Variants in ALDH4A1 observed in about 807,000 individuals in gnomAD.
ALDH4A1 encodes the protein delta-1-pyrroline-5-carboxylate dehydrogenase, mitochondrial.
In ALDH4A1, 46 loss-of-function variants were observed where a neutral mutation model predicts 70.5. The observed-to-expected ratio is 0.65, with a 90% confidence interval of 0.51 to 0.83. The LOEUF (loss-of-function observed/expected upper bound fraction) is 0.83. ALDH4A1 is among the 40% of genes least tolerant of loss of function. The probability of loss-of-function intolerance (pLI) is 0.00; values close to 1 mark genes in which losing one functional copy is unlikely to be tolerated. For synonymous variants in ALDH4A1, 323 were observed against 324.3 expected (o/e 1.00, Z 0.04); for missense variants, 749 against 766.5 (o/e 0.98, Z 0.27).
chr1:18,877,642 A>G (rs374282940), intron 9 of ALDH4A1, 30 bp from the exon 10 acceptor site: 53 of 1,429,268 alleles, frequency 3.7e-5, no homozygotes, highest in Non-Finnish European at 5.2e-5. Flanking sequence ...GGAAATGACC[A>G]GAGGAGCTGG....
intron 1 of ALDH4A1, among the ~76,000 whole-genome samples, chr1:18,892,356 G>C (rs1415851814): frequency 6.6e-6 from 1 of 152,198 alleles, no homozygotes; most frequent in Non-Finnish European, 1.5e-5. Context: ...GAGGCCCCTG[G>C]CTGCACACAG....
chr1:18,897,067 C>T (rs770980738), intron 1 of ALDH4A1: 4 of 534,310 alleles, frequency 7.5e-6, no homozygotes, highest in Non-Finnish European at 1.5e-5. Flanking sequence ...GAACGCATGA[C>T]AAGTTGAGCA....
At chr1:18,894,386 C>CA (rs1051723723) in intron 1 of ALDH4A1, among the ~76,000 whole-genome samples, 2 of 152,084 alleles carry the variant, frequency 1.3e-5, no homozygotes, top group African/African-American at 4.8e-5. Context: ...ACTAAAACTA[C>CA]AAAAAAATTA....
At chr1:18,894,945 G>A in intron 1 of ALDH4A1, among the ~76,000 whole-genome samples, 1 of 149,386 alleles carries the variant, frequency 6.7e-6, no homozygotes, top group East Asian at 2.0e-4. Context: ...TCGGGTGAAG[G>A]CAGAGATGAA....
In ALDH4A1 at chr1:18,876,303, C is replaced by T. The variant is rs778665974; in HGVS notation, c.1338+12G>A. 6.2e-6 allele frequency: 10 copies of T among 1,613,264 alleles called. No individual in the cohort carries two copies. The highest frequency in any genetic ancestry group is 7.6e-6 in the Non-Finnish European group (9 of 1,179,926). On this transcript the variant is annotated intron_variant, in intron 12 of 14. Coordinates refer to ENST00000375341, the MANE Select transcript of ALDH4A1 (RefSeq NM_003748.4). ...GTCCTCCTCTGGACCCCAGGCTGCC[C>T]ACCCCAGTCACCTCCTTCATGATGG...
chr1:18,885,447 C>T, intron 5 of ALDH4A1, 26 bp downstream of exon 5: 4 of 1,178,960 alleles, frequency 3.4e-6, no homozygotes, highest in Non-Finnish European at 4.8e-6. Context: ...CCCCGCCCCA[C>T]CCACCCGGGC....
chr1:18,885,179 G>A, intron 5 of ALDH4A1: 2 of 471,650 alleles, frequency 4.2e-6, no homozygotes, highest in Non-Finnish European at 7.8e-6. Context: ...GGGAGACAGT[G>A]CAGGCCACCA....
intron 12 of ALDH4A1, 39 bp from the exon 13 acceptor site, chr1:18,875,542 C>G (rs773092560): frequency 1.5e-5 from 24 of 1,613,366 alleles, no homozygotes; most frequent in Non-Finnish European, 1.9e-5. Flanking sequence ...TCCACGGGAC[C>G]AGGGACCAGG....
At position 18,881,738 on chromosome 1, in the gene ALDH4A1, T is replaced by A. The variant is rs777164582; in HGVS notation, c.828A>T (p.Ser276=). The change falls in exon 8 of 15, where the codon TCA becomes TCT. Residue 276 remains serine, a synonymous_variant. Coordinates refer to ENST00000375341, the MANE Select transcript of ALDH4A1 (RefSeq NM_003748.4). ...GPLFGDTVTS[S]EHLCGINFTG... Reference sequence around the variant, plus strand: ...TGAAGTTGATGCCACAGAGGTGCTCTGAGCTGGTGACAGTGTCCCCAAATA... The same window carrying A: ...TGAAGTTGATGCCACAGAGGTGCTCAGAGCTGGTGACAGTGTCCCCAAATA... The A allele has an allele frequency of 5.5e-5, 88 of 1,614,014 alleles. No homozygotes were observed. The highest frequency in any genetic ancestry group is 7.1e-5 in the Non-Finnish European group (84 of 1,180,054).
intron 2 of ALDH4A1, 85 bp downstream of exon 2, chr1:18,889,927 G>T: frequency 8.5e-7 from 1 of 1,182,798 alleles, no homozygotes; most frequent in Non-Finnish European, 1.2e-6. Flanking sequence ...GATGGCTGCA[G>T]GCACGGGGCG....
At position 18,902,542 on chromosome 1, in the gene ALDH4A1, C is replaced by G. The variant is rs569212785; in HGVS notation, c.-19G>C. ...GCAGCATCTCGGGTTAGAAGCGGGG[C>G]TGTTCGCTGGATCGTCCGCCCGGGC... is the stretch of plus-strand genomic sequence containing the variant. On this transcript the variant is annotated 5_prime_UTR_variant, in exon 1 of 15. Transcript: ENST00000375341. The G allele has an allele frequency of 6.7e-7, 1 of 1,483,814 alleles. No individual in the cohort carries two copies. Among genetic ancestry groups the G allele is most frequent in the South Asian group, 1.3e-5 (1 of 78,266 alleles). The allele number at this position is 1,483,814 out of a possible 1,614,324, so 91.9% of individuals were successfully genotyped here.
rs1487729293 is a variant in ALDH4A1, at chr1:18,902,443, G to C, written c.62+19C>G. On this transcript the variant is annotated intron_variant, in intron 1 of 14. Coordinates refer to ENST00000375341, the MANE Select transcript of ALDH4A1 (RefSeq NM_003748.4). ...CCCAGGCGCGCGCTCGGGCCGCCCC[G>C]GGCCCCGTGCTCACTCACCCGGCCC... The C allele has an allele frequency of 7.4e-7, 1 of 1,342,876 alleles. No homozygotes were observed. Among genetic ancestry groups the C allele is most frequent in the African/African-American group, 1.5e-5 (1 of 65,368 alleles). 83.2% of individuals were successfully genotyped at this position (1,342,876 alleles called of 1,614,324 possible).
chr1:18,877,302 G>A (rs757752207), intron 10 of ALDH4A1, 47 bp from the exon 11 acceptor site: 2 of 1,573,736 alleles, frequency 1.3e-6, no homozygotes, highest in African/African-American at 2.7e-5. Flanking sequence ...TGCAGGCCGA[G>A]ACCAAGGGAG....
intron 8 of ALDH4A1, among the ~76,000 whole-genome samples, chr1:18,881,337 A>T (rs564147433): frequency 1.4e-4 from 21 of 152,098 alleles, no homozygotes; most frequent in Admixed American, 3.9e-4. Context: ...CTCCTCCAGG[A>T]AGGCTTCCTG....
At chr1:18,886,400 C>A (rs1293110540) in intron 4 of ALDH4A1, 64 bp downstream of exon 4, 15 of 1,553,136 alleles carry the variant, frequency 9.7e-6, no homozygotes, top group African/African-American at 1.4e-5. Flanking sequence ...ATATCAGCAG[C>A]TGGCAGGGCA....
At position 18,886,510 on chromosome 1, in the gene ALDH4A1, G is replaced by T. The variant is rs752594612; in HGVS notation, c.251C>A (p.Pro84His). 6.2e-7 allele frequency: 1 copy of T among 1,614,142 alleles called. No individual in the cohort carries two copies. Among genetic ancestry groups the T allele is most frequent in the South Asian group, 1.1e-5 (1 of 91,080 alleles). The change falls in exon 4 of 15, where the codon CCT becomes CAT. Residue 84 changes from proline (P) to histidine (H), a missense_variant and splice_region_variant. Physicochemically the swap from Pro to His is moderately conservative, Grantham distance 77. Transcript: ENST00000375341. ...WTSDVQYQVS[P>H]FNHGHKVAKF... Reference sequence around the variant, plus strand: ...GGCCACCTTATGTCCATGGTTAAAAGGCTGAAAGGAGAGAAGAGTGAGGTC... The same window carrying T: ...GGCCACCTTATGTCCATGGTTAAAATGCTGAAAGGAGAGAAGAGTGAGGTC...
chr1:18,875,207 A>G (rs1166415635), intron 13 of ALDH4A1, among the ~76,000 whole-genome samples, 175 bp downstream of exon 13: 1 of 152,160 alleles, frequency 6.6e-6, no homozygotes, highest in Non-Finnish European at 1.5e-5. Context: ...GGCAACAAAG[A>G]GCCTGCTGCT....
intron 8 of ALDH4A1, among the ~76,000 whole-genome samples, chr1:18,881,497 C>A (rs1156850670): frequency 6.6e-6 from 1 of 152,178 alleles, no homozygotes; most frequent in African/African-American, 2.4e-5. Flanking sequence ...AATGACTCTG[C>A]AAATTAAGGA....
In ALDH4A1 at chr1:18,875,474, G is replaced by A. The variant is rs757444298; in HGVS notation, c.1368C>T (p.Tyr456=). 27 of 1,613,974 alleles carry A rather than the reference G, an allele frequency of 1.7e-5. No homozygotes were observed. The highest frequency in any genetic ancestry group is 1.1e-4 in the South Asian group (10 of 91,080). The change falls in exon 13 of 15, where the codon TAC becomes TAT. Residue 456 remains tyrosine (Y), a synonymous_variant. Coordinates refer to ENST00000375341, the MANE Select transcript of ALDH4A1 (RefSeq NM_003748.4). The stretch of plus-strand genomic sequence containing the variant: ...CCTTGTACTTGTCATCCGGGTAGAC[G>A]TACACAGACAGTACAGGCCCGAAGA... The part of the protein sequence containing the change: ...EEIFGPVLSV[Y]VYPDDKYKET...
Sources: gnomAD v4.1 joint callset for allele counts (sites outside exome capture counted in the v4.1 genomes callset) on GRCh38, gnomAD v4.1.1 for gene constraint, MANE v1.5 for transcripts, NCBI Gene and HGNC (gene_info 2026-07-23, HGNC 2026-07-21) for gene names.